PLD3: variants seen among roughly 807,000 people sequenced by gnomAD.
The protein encoded by PLD3 is 5'-3' exonuclease PLD3.
A neutral mutation model predicts 58.4 loss-of-function variants in PLD3; 31 were observed. That is an observed-to-expected ratio of 0.53 (90% CI 0.40 to 0.72). The LOEUF (loss-of-function observed/expected upper bound fraction) is 0.72. Ranked by LOEUF, PLD3 falls within the 30% of genes least tolerant of loss-of-function variation. PLD3 has a pLI of 0.00. For synonymous variants in PLD3, 264 were observed against 273.4 expected (o/e 0.97, Z 0.34); for missense variants, 595 against 659.8 (o/e 0.90, Z 1.08).
chr19:40,369,896 C>G lies in PLD3; in HGVS notation c.430-12C>G. The G allele has an allele frequency of 6.5e-7, 1 of 1,547,848 alleles. No individual in the cohort carries two copies. The highest frequency in any genetic ancestry group is 2.4e-5 in the East Asian group (1 of 41,330). ...CTGGTCCAGCCCCTCAGAAGCTCTCCCCTCCCCGCAGGGTGAGGAGGTCCT... is the reference window on the plus strand; with the variant it reads ...CTGGTCCAGCCCCTCAGAAGCTCTCGCCTCCCCGCAGGGTGAGGAGGTCCT... On this transcript the variant is annotated splice_polypyrimidine_tract_variant and intron_variant, in intron 6 of 12. Transcript: ENST00000409735.
chr19:40,350,674 G>A (rs2078489770), intron 1 of PLD3, among the ~76,000 whole-genome samples: 2 of 151,616 alleles, frequency 1.3e-5, no homozygotes, highest in African/African-American at 4.8e-5. Flanking sequence ...AACCCAGGAG[G>A]CGGAGGCTGC....
chr19:40,373,041 T>C (rs149156320), intron 9 of PLD3, among the ~76,000 whole-genome samples: 37 of 152,320 alleles, frequency 2.4e-4, no homozygotes, highest in African/African-American at 6.7e-4. Flanking sequence ...AAGGCACTGA[T>C]GTTTCTAGCT....
At position 40,366,796 on chromosome 19, in the gene PLD3, C is replaced by T; in HGVS notation, c.126C>T (p.Val42=). ...AGAAAGCCCGCTGGGTCCTGCTGGTCCTCATTCTGGCGGTTGTGGGCTTCG... is the reference window on the plus strand; with the variant it reads ...AGAAAGCCCGCTGGGTCCTGCTGGTTCTCATTCTGGCGGTTGTGGGCTTCG... The part of the protein sequence containing the change: ...AEKKARWVLL[V]LILAVVGFGA... Residue 42 remains valine (V), a synonymous_variant, in exon 5 of 13, where the codon GTC becomes GTT. Transcript: ENST00000409735. The T allele has an allele frequency of 1.2e-6, 2 of 1,613,978 alleles. No individual in the cohort carries two copies. The highest frequency in any genetic ancestry group is 1.7e-6 in the Non-Finnish European group (2 of 1,179,926).
At position 40,365,709 on chromosome 19, in the gene PLD3, CCCGGCCAGG is replaced by C. The variant is rs1322984524; in HGVS notation, c.-278-7_-277del. ...CCACCAGCCATGTACTACCCCCCAA[CCCGGCCAGG>C]CTGGAGCGACCGTGTCTGGGGAGCC... On this transcript the variant is annotated splice_acceptor_variant and splice_polypyrimidine_tract_variant and 5_prime_UTR_variant and intron_variant, in exon 2 of 13. Coordinates refer to ENST00000409735, the MANE Select transcript of PLD3 (RefSeq NM_012268.4). LOFTEE classifies it low-confidence loss of function (5UTR_SPLICE). 2.6e-5 allele frequency: 4 copies of C among 152,528 alleles called. No individual in the cohort carries two copies. Among genetic ancestry groups the C allele is most frequent in the African/African-American group, 9.6e-5 (4 of 41,462 alleles). 9.4% of individuals were successfully genotyped at this position (152,528 alleles called of 1,614,324 possible). A position where few individuals can be genotyped will look rare whatever the true frequency, so the allele number is the denominator to read the frequency against.
chr19:40,373,904 G>A lies in PLD3; in HGVS notation c.880-577G>A, dbSNP rs147047039. ...CTTGGGAGGCTGAGGCAGGAGAATC[G>A]CTTGAACCCAAGAGGCAGCAGAGGT... On this transcript the variant is annotated intron_variant, in intron 9 of 12. Coordinates refer to ENST00000409735, the MANE Select transcript of PLD3 (RefSeq NM_012268.4). Among the ~76,000 whole-genome samples the A allele has an allele frequency of 3.9e-3, 583 of 150,192 alleles. 3 individuals carry two copies. The highest frequency in any genetic ancestry group is 6.9e-3 in the Middle Eastern group (2 of 288).
chr19:40,374,397 C>A, intron 9 of PLD3, 84 bp from the exon 10 acceptor site: 2 of 1,453,002 alleles, frequency 1.4e-6, no homozygotes, highest in Non-Finnish European at 1.9e-6. Context: ...CAGTACCTGG[C>A]TTGTGGTGAG....
At chr19:40,366,306 T>A (rs2078920386) in intron 2 of PLD3, 113 bp from the exon 3 acceptor site, 2 of 652,660 alleles carry the variant, frequency 3.1e-6, no homozygotes, top group East Asian at 5.5e-5. Context: ...TGGTGGGCAG[T>A]GTGCCAGTGG....
At chr19:40,350,770 T>C (rs972690650) in intron 1 of PLD3, among the ~76,000 whole-genome samples, 8 of 150,560 alleles carry the variant, frequency 5.3e-5, no homozygotes, top group South Asian at 2.1e-4. Flanking sequence ...TCTGGCCTTA[T>C]GGACTGTGTA....
rs59326126 is a variant in PLD3, at chr19:40,372,321, TACAAACAA to T, written c.879+466_879+473del. On this transcript the variant is annotated intron_variant, in intron 9 of 12. Coordinates refer to ENST00000409735, the MANE Select transcript of PLD3 (RefSeq NM_012268.4). ...GGACAACATAGCAAGACTCCATCTTTACAAACAAACAAACAAACAAACAAAACTAGCTG... is the reference window on the plus strand; with the variant it reads ...GGACAACATAGCAAGACTCCATCTTTACAAACAAACAAACAAAACTAGCTG... Among the ~76,000 whole-genome samples the T allele has an allele frequency of 9.4e-4, 142 of 151,628 alleles. 1 individual carries two copies. Among genetic ancestry groups the T allele is most frequent in the African/African-American group, 3.1e-3 (130 of 41,312 alleles).
Position 40,376,700 on chromosome 19 carries a change from G to T in PLD3, c.1111G>T (p.Glu371Ter). 1.2e-6 allele frequency: 2 copies of T among 1,604,532 alleles called. No individual in the cohort carries two copies. The highest frequency in any genetic ancestry group is 8.5e-7 in the Non-Finnish European group (1 of 1,179,974). Residue 371 changes from glutamate to a stop codon, truncating the protein, a stop_gained, in exon 11 of 13, where the codon GAG becomes TAG. Transcript: ENST00000409735. LOFTEE classifies it high-confidence loss of function. ...RLLISCWGHS[E>*]PSMRAFLLSL... ...GCTCATCAGCTGCTGGGGACACTCG[G>T]AGCCATCCATGCGGGCCTTCCTGCT... is the stretch of plus-strand genomic sequence containing the variant.
chr19:40,369,740 G>A, intron 6 of PLD3, 168 bp from the exon 7 acceptor site: 3 of 637,964 alleles, frequency 4.7e-6, no homozygotes, highest in South Asian at 4.8e-5. Flanking sequence ...GTTTAAAACA[G>A]ATAAGGAAGT....
chr19:40,377,960 C>G, intron 12 of PLD3, 26 bp from the exon 13 acceptor site: 5 of 1,612,616 alleles, frequency 3.1e-6, no homozygotes, highest in Non-Finnish European at 4.2e-6. Context: ...CGAGGGTGCC[C>G]TTATGCTCCA....
At chr19:40,357,976 A>C (rs1024674115) in intron 1 of PLD3, 1 of 152,200 alleles carries the variant, frequency 6.6e-6, no homozygotes, top group Non-Finnish European at 1.5e-5. Flanking sequence ...CTCTTTTCCC[A>C]GTTCCACAGA....
At chr19:40,373,485 G>T (rs1478282108) in intron 9 of PLD3, among the ~76,000 whole-genome samples, 1 of 151,616 alleles carries the variant, frequency 6.6e-6, no homozygotes, top group African/African-American at 2.4e-5. Flanking sequence ...GCTGAGGCAG[G>T]AGAATCACTT....
chr19:40,361,636 G>A (rs1031929664), intron 1 of PLD3, among the ~76,000 whole-genome samples: 1 of 151,826 alleles, frequency 6.6e-6, no homozygotes, highest in Non-Finnish European at 1.5e-5. Flanking sequence ...CTCCCTCAGG[G>A]CCTTTGTACT....
At chr19:40,355,752 T>C (rs1600265473) in intron 1 of PLD3, 1 of 151,606 alleles carries the variant, frequency 6.6e-6, no homozygotes, top group South Asian at 2.1e-4. Flanking sequence ...CACTTTCCTA[T>C]GCTCCATGGT....
At position 40,367,708 on chromosome 19, in the gene PLD3, G is replaced by T; in HGVS notation, c.258G>T (p.Val86=). Residue 86 remains valine, a synonymous_variant, in exon 6 of 13, where the codon GTG becomes GTT. Transcript: ENST00000409735. ...PCYDPCEAVL[V]ESIPEGLDFP... ...CCCCACCCCCCAGAGCAGTGCTGGT[G>T]GAAAGCATTCCTGAGGGCCTGGACT... 1 of 1,610,990 alleles carries T rather than the reference G, an allele frequency of 6.2e-7. No homozygotes were observed. The highest frequency in any genetic ancestry group is 8.5e-7 in the Non-Finnish European group (1 of 1,177,740).
intron 1 of PLD3, among the ~76,000 whole-genome samples, chr19:40,365,086 C>A (rs2078884480): frequency 6.6e-6 from 1 of 152,238 alleles, no homozygotes; most frequent in Non-Finnish European, 1.5e-5. Context: ...TACTCCTTTT[C>A]TGCAGTTATC....
At chr19:40,371,615 C>G (rs1430142557) in intron 8 of PLD3, 58 bp from the exon 9 acceptor site, 2 of 1,186,824 alleles carry the variant, frequency 1.7e-6, no homozygotes, top group Non-Finnish European at 2.5e-6. Flanking sequence ...TGGGGAGTGT[C>G]CCTGTCATCT....
Sources: allele counts gnomAD v4.1 joint callset (sites outside exome capture counted in the v4.1 genomes callset), GRCh38; gene constraint gnomAD v4.1.1; transcripts MANE v1.5; gene names NCBI Gene and HGNC (gene_info 2026-07-23, HGNC 2026-07-21).